Variants in SYCP1 observed in about 807,000 individuals in gnomAD.
SYCP1 encodes synaptonemal complex protein 1, also known as cancer/testis antigen 8.
Under a neutral mutation model 153.1 loss-of-function variants are expected in SYCP1, and 64 were observed. That is an observed-to-expected ratio of 0.42 (90% CI 0.34 to 0.51). The LOEUF (loss-of-function observed/expected upper bound fraction) is 0.51, where lower values mean the gene tolerates loss of function less well. Among genes scored for constraint, SYCP1 ranks in the 20% least tolerant of loss-of-function variants. The pLI is 0.06. For missense variants in SYCP1, 997 were observed against 1,049.0 expected (o/e 0.95, Z 0.68); for synonymous variants, 384 against 341.8 (o/e 1.12, Z -1.36).
chr1:114,904,799 A>T (rs1256102841), intron 16 of SYCP1, among the ~76,000 whole-genome samples: 1 of 152,224 alleles, frequency 6.6e-6, no homozygotes, highest in African/African-American at 2.4e-5. Context: ...TAAGAGAAAA[A>T]CATTCAGTGT....
intron 27 of SYCP1, among the ~76,000 whole-genome samples, chr1:114,951,800 A>G (rs762392659): frequency 6.6e-6 from 1 of 151,236 alleles, no homozygotes; most frequent in Non-Finnish European, 1.5e-5. Flanking sequence ...AGCCACATCC[A>G]CCTCCCTCCC....
chr1:114,914,068 T>C, intron 20 of SYCP1, 23 bp downstream of exon 20: 1 of 1,509,378 alleles, frequency 6.6e-7, no homozygotes, highest in South Asian at 1.4e-5. Context: ...AATTGGCCTT[T>C]TTTTGTCTGG....
At chr1:114,954,265 TTAG>T (rs1457656493) in intron 27 of SYCP1, among the ~76,000 whole-genome samples, 2 of 152,062 alleles carry the variant, frequency 1.3e-5, no homozygotes, top group African/African-American at 4.8e-5. Flanking sequence ...TATCTTATTA[TTAG>T]TGGTGGTCAT....
At chr1:114,966,398 GTT>G (rs1672130475) in intron 27 of SYCP1, among the ~76,000 whole-genome samples, 1 of 152,008 alleles carries the variant, frequency 6.6e-6, no homozygotes, top group South Asian at 2.1e-4. Flanking sequence ...TTTTGAATCT[GTT>G]TGTTTTTTCT....
chr1:114,963,169 G>T (rs1480357993), intron 27 of SYCP1, among the ~76,000 whole-genome samples: 11 of 152,110 alleles, frequency 7.2e-5, no homozygotes, highest in Admixed American at 7.2e-4. Flanking sequence ...CTTTTGCGAT[G>T]AATTTCCTGG....
At position 114,995,013 on chromosome 1, in the gene SYCP1, T is replaced by C. The variant is rs1674189511; in HGVS notation, c.2925T>C (p.Phe975=). ...AACTAAAAGAAGCTGAAAAGTTATT[T>C]GTTTAATTTCAGAGAATCAGTGTAG... ...KKKLKEAEKL[F]V Residue 975 remains phenylalanine (F), a synonymous_variant, in exon 32 of 32, where the codon TTT becomes TTC. Transcript: ENST00000369522. The C allele has an allele frequency of 6.3e-7, 1 of 1,597,542 alleles. No homozygotes were observed. Among genetic ancestry groups the C allele is most frequent in the Non-Finnish European group, 8.5e-7 (1 of 1,173,538 alleles).
intron 23 of SYCP1, among the ~76,000 whole-genome samples, chr1:114,935,573 T>G (rs1056612860): frequency 2.0e-5 from 3 of 148,056 alleles, no homozygotes; most frequent in Non-Finnish European, 4.6e-5. Flanking sequence ...GAACTGAAGA[T>G]GAGACACAAG....
At position 114,860,748 on chromosome 1, in the gene SYCP1, A is replaced by G; in HGVS notation, c.537A>G (p.Thr179=). 6.3e-7 allele frequency: 1 copy of G among 1,594,822 alleles called. No homozygotes were observed. Among genetic ancestry groups the G allele is most frequent in the Non-Finnish European group, 8.5e-7 (1 of 1,173,328 alleles). ...NKDLIKENNA[T]RHLCNLLKET... is the part of the protein sequence containing the mutation. ...TCCTTTGTTTCAGGAATAATGCCAC[A>G]AGGCATTTATGTAATCTACTCAAAG... The change falls in exon 8 of 32, where the codon ACA becomes ACG. Residue 179 remains threonine, a synonymous_variant. Transcript: ENST00000369522.
At chr1:114,967,534 G>A (rs1202506703) in intron 27 of SYCP1, among the ~76,000 whole-genome samples, 1 of 152,078 alleles carries the variant, frequency 6.6e-6, no homozygotes, top group Non-Finnish European at 1.5e-5. Context: ...CATTTGCTTG[G>A]TAAATATTCC....
chr1:114,972,864 AT>A (rs1450200463), intron 27 of SYCP1, among the ~76,000 whole-genome samples: 1 of 152,092 alleles, frequency 6.6e-6, no homozygotes, highest in African/African-American at 2.4e-5. Flanking sequence ...AAGAATGTTT[AT>A]TTTGCAACTG....
intron 20 of SYCP1, among the ~76,000 whole-genome samples, chr1:114,916,771 A>T (rs1418879705): frequency 6.6e-6 from 1 of 151,492 alleles, no homozygotes; most frequent in Admixed American, 6.6e-5. Flanking sequence ...ACTTTTTATT[A>T]TATGAAAGGT....
At chr1:114,919,791 T>A (rs1232135255) in intron 20 of SYCP1, among the ~76,000 whole-genome samples, 1 of 152,040 alleles carries the variant, frequency 6.6e-6, no homozygotes, top group Non-Finnish European at 1.5e-5. Flanking sequence ...TGATGTGTAG[T>A]TGCTTAGAGT....
chr1:114,990,802 T>C (rs181189571), intron 30 of SYCP1, among the ~76,000 whole-genome samples: 34 of 152,106 alleles, frequency 2.2e-4, no homozygotes, highest in Admixed American at 2.0e-3. Context: ...AGAGTTTAAA[T>C]TGGTAATCAA....
intron 27 of SYCP1, among the ~76,000 whole-genome samples, chr1:114,965,398 A>T (rs1482613200): frequency 6.6e-6 from 1 of 152,116 alleles, no homozygotes; most frequent in African/African-American, 2.4e-5. Flanking sequence ...TACTATGTTG[A>T]ATAGGAGTGG....
At chr1:114,859,244 C>T (rs1038164928) in intron 6 of SYCP1, among the ~76,000 whole-genome samples, 11 of 152,098 alleles carry the variant, frequency 7.2e-5, no homozygotes, top group African/African-American at 2.2e-4. Context: ...TGAGCCACCA[C>T]GCCCAGCTAA....
intron 1 of SYCP1, 25 bp from the exon 2 acceptor site, chr1:114,855,416 C>T (rs1433782039): frequency 2.2e-6 from 3 of 1,361,156 alleles, no homozygotes; most frequent in Non-Finnish European, 2.9e-6. Context: ...ACTTTCCTTC[C>T]CCTCCCGCCC....
At position 114,895,462 on chromosome 1, in the gene SYCP1, C is replaced by T; in HGVS notation, c.1273C>T (p.Leu425Phe). 2.0e-6 allele frequency: 3 copies of T among 1,527,250 alleles called. No homozygotes were observed. The highest frequency in any genetic ancestry group is 2.4e-5 in the South Asian group (2 of 82,508). The allele number at this position is 1,527,250 out of a possible 1,614,324, so 94.6% of individuals were successfully genotyped here. A position where few individuals can be genotyped will look rare whatever the true frequency, so the allele number is the denominator to read the frequency against. ...GCTCATTTTAGAAGAGATGACTAAG[C>T]TTACAAATAACAAAGAAGTAGAACT... ...KSSELEEMTK[L>F]TNNKEVELEE... The change falls in exon 16 of 32, where the codon CTT becomes TTT. Residue 425 changes from leucine (L) to phenylalanine (F), a missense_variant. Leu to Phe is a conservative substitution (Grantham distance 22). Transcript: ENST00000369522.
At chr1:114,919,734 G>A (rs141148614) in intron 20 of SYCP1, among the ~76,000 whole-genome samples, 52 of 152,084 alleles carry the variant, frequency 3.4e-4, no homozygotes, top group Non-Finnish European at 5.6e-4. Context: ...TTGGAGGGTT[G>A]TATGTGTCTA....
intron 27 of SYCP1, among the ~76,000 whole-genome samples, chr1:114,953,235 T>G (rs970181673): frequency 3.9e-5 from 6 of 152,226 alleles, no homozygotes; most frequent in Non-Finnish European, 8.8e-5. Context: ...GCATCAGATA[T>G]GTGGTTTGCC....
Sources: allele counts gnomAD v4.1 joint callset (sites outside exome capture counted in the v4.1 genomes callset), GRCh38; gene constraint gnomAD v4.1.1; transcripts MANE v1.5; gene names NCBI Gene and HGNC (gene_info 2026-07-23, HGNC 2026-07-21).